The following SRGAP3 variants were observed in gnomAD, a reference collection of about 807,000 sequenced individuals.
SRGAP3 encodes SLIT-ROBO Rho GTPase activating protein 3.
Under a neutral mutation model 121.1 loss-of-function variants are expected in SRGAP3, and 39 were observed. The ratio of observed to expected loss-of-function variants is 0.32; its 90% CI spans 0.25 to 0.42. The LOEUF is 0.42. SRGAP3 is among the 10% of genes least tolerant of loss of function. The pLI is 1.00. For missense variants in SRGAP3, 1,213 were observed against 1,470.6 expected (o/e 0.82, Z 2.86); for synonymous variants, 601 against 570.0 (o/e 1.05, Z -0.77).
At chr3:9,362,162 CTTTTTTT>C (rs36036357) in intron 1 of SRGAP3, among the ~76,000 whole-genome samples, 3 of 90,960 alleles carry the variant, frequency 3.3e-5, no homozygotes, top group African/African-American at 9.5e-5. Context: ...AGGTTCAACT[CTTTTTTT>C]TTTTTTTTTT....
chr3:9,048,603 T>G (rs1553646254), intron 9 of SRGAP3, among the ~76,000 whole-genome samples: 1 of 152,176 alleles, frequency 6.6e-6, no homozygotes, highest in Non-Finnish European at 1.5e-5. Flanking sequence ...AGAGGATTGC[T>G]GAAGGCCTGA....
At chr3:9,203,932 G>A (rs543323712) in intron 1 of SRGAP3, among the ~76,000 whole-genome samples, 7 of 152,312 alleles carry the variant, frequency 4.6e-5, no homozygotes, top group Non-Finnish European at 7.4e-5. Context: ...ACTCACTGAT[G>A]GGGCCTGGTC....
chr3:9,047,440 G>T lies in SRGAP3; in HGVS notation c.1359C>A (p.Ile453=), dbSNP rs1272946617. The change falls in exon 10 of 22, where the codon ATC becomes ATA. Residue 453 remains isoleucine, a synonymous_variant. Coordinates refer to ENST00000383836, the MANE Select transcript of SRGAP3 (RefSeq NM_014850.4). ...FKEYVNGSNL[I]TKLQAKHDLL... is the part of the protein sequence containing the mutation. ...AATCGTGCTTGGCCTGCAGCTTGGT[G>T]ATGAGGTTACTGCCATTCACATACT... 6.2e-7 allele frequency: 1 copy of T among 1,614,210 alleles called. No homozygotes were observed. The highest frequency in any genetic ancestry group is 1.7e-5 in the Admixed American group (1 of 60,036).
At chr3:9,056,436 A>T (rs552919767) in intron 7 of SRGAP3, 102 bp from the exon 8 acceptor site, 1 of 1,269,178 alleles carries the variant, frequency 7.9e-7, no homozygotes, top group South Asian at 1.3e-5. Context: ...CAGTCCAGGA[A>T]ACAGGGGCTC....
At chr3:9,333,863 A>C (rs1955649195) in intron 1 of SRGAP3, among the ~76,000 whole-genome samples, 2 of 152,116 alleles carry the variant, frequency 1.3e-5, no homozygotes, top group Admixed American at 1.3e-4. Flanking sequence ...AGAGTCTCCC[A>C]CCTGCTATGC....
chr3:9,030,678 C>T (rs1574942135), intron 12 of SRGAP3, among the ~76,000 whole-genome samples: 3 of 148,460 alleles, frequency 2.0e-5, no homozygotes, highest in Admixed American at 2.0e-4. Context: ...TATAGGACCC[C>T]TCTATTACGA....
chr3:9,271,318 A>G (rs1243630379), intron 3 of SRGAP3, among the ~76,000 whole-genome samples: 1 of 152,182 alleles, frequency 6.6e-6, no homozygotes, highest in Non-Finnish European at 1.5e-5. Flanking sequence ...TGGGCAATAG[A>G]GCGAGACCCT....
intron 1 of SRGAP3, among the ~76,000 whole-genome samples, chr3:9,338,274 GAGT>G (rs1480254384): frequency 2.0e-5 from 3 of 152,146 alleles, no homozygotes; most frequent in Non-Finnish European, 2.9e-5. Context: ...AATAAAAAAA[GAGT>G]AGTAGAAACC....
At chr3:9,292,134 G>A (rs1031457255) in intron 3 of SRGAP3, among the ~76,000 whole-genome samples, 2 of 152,056 alleles carry the variant, frequency 1.3e-5, no homozygotes, top group Non-Finnish European at 2.9e-5. Context: ...TGTTGCATTC[G>A]CATCTCAGAC....
At chr3:9,326,670 G>A (rs973453362) in intron 2 of SRGAP3, among the ~76,000 whole-genome samples, 6 of 151,720 alleles carry the variant, frequency 4.0e-5, no homozygotes, top group African/African-American at 1.4e-4. Flanking sequence ...GTTATCACAG[G>A]TAATTTGACT....
intron 3 of SRGAP3, among the ~76,000 whole-genome samples, chr3:9,287,653 A>G (rs539264806): frequency 1.3e-5 from 2 of 152,328 alleles, no homozygotes; most frequent in South Asian, 4.1e-4. Flanking sequence ...TGTATTGGGT[A>G]CAATGTTCAC....
At chr3:9,067,882 C>T (rs567004330) in intron 4 of SRGAP3, among the ~76,000 whole-genome samples, 1 of 151,974 alleles carries the variant, frequency 6.6e-6, no homozygotes, top group African/African-American at 2.4e-5. Context: ...ATGAAATCAG[C>T]AAGAAGGGGG....
At chr3:9,279,461 C>A (rs1954639610) in intron 3 of SRGAP3, among the ~76,000 whole-genome samples, 1 of 151,828 alleles carries the variant, frequency 6.6e-6, no homozygotes, top group Admixed American at 6.6e-5. Context: ...TGAGCAAAAT[C>A]CAAGCTACTA....
intron 1 of SRGAP3, among the ~76,000 whole-genome samples, chr3:9,171,300 G>A (rs1013315848): frequency 3.3e-5 from 5 of 152,238 alleles, no homozygotes; most frequent in African/African-American, 7.2e-5. Flanking sequence ...AGCCTCCAGC[G>A]CATGGGAAGA....
At chr3:9,043,988 C>A (rs145275224) in intron 10 of SRGAP3, among the ~76,000 whole-genome samples, 1 of 152,120 alleles carries the variant, frequency 6.6e-6, no homozygotes, top group African/African-American at 2.4e-5. Context: ...AATTCTCTGG[C>A]CAATAAAATG....
intron 12 of SRGAP3, among the ~76,000 whole-genome samples, chr3:9,029,388 T>A (rs1412358735): frequency 6.6e-6 from 1 of 152,160 alleles, no homozygotes; most frequent in Non-Finnish European, 1.5e-5. Flanking sequence ...GAGTTCTCCT[T>A]TTGCCTGAGA....
At chr3:9,206,653 A>T (rs934080506) in intron 1 of SRGAP3, among the ~76,000 whole-genome samples, 1 of 151,936 alleles carries the variant, frequency 6.6e-6, no homozygotes, top group Admixed American at 6.6e-5. Context: ...CACCTGCAAA[A>T]CACTTCCACT....
intron 13 of SRGAP3, among the ~76,000 whole-genome samples, 162 bp from the exon 14 acceptor site, chr3:9,025,500 C>T (rs1039605493): frequency 3.3e-5 from 5 of 152,286 alleles, no homozygotes; most frequent in East Asian, 1.9e-4. Flanking sequence ...ATGGCCTTCA[C>T]GGTAAAGTAC....
intron 1 of SRGAP3, among the ~76,000 whole-genome samples, chr3:9,346,367 C>T: frequency 6.6e-6 from 1 of 152,138 alleles, no homozygotes; most frequent in African/African-American, 2.4e-5. Flanking sequence ...CTCAGCCTCC[C>T]AAGTAGCTAG....
Sources: allele counts gnomAD v4.1 joint callset (sites outside exome capture counted in the v4.1 genomes callset), GRCh38; gene constraint gnomAD v4.1.1; transcripts MANE v1.5; gene names NCBI Gene and HGNC (gene_info 2026-07-23, HGNC 2026-07-21).